The following SLIT1 variants were observed in gnomAD, a reference collection of about 807,000 sequenced individuals.
SLIT1 encodes the protein slit guidance ligand 1.
Under a neutral mutation model 186.1 loss-of-function variants are expected in SLIT1, and 66 were observed. That is an observed-to-expected ratio of 0.35 (90% CI 0.29 to 0.44). SLIT1 has a LOEUF of 0.44. Among genes scored for constraint, SLIT1 ranks in the 20% least tolerant of loss-of-function variants. The pLI is 1.00. For missense variants in SLIT1, 1,638 were observed against 2,037.4 expected (o/e 0.80, Z 3.77); for synonymous variants, 761 against 833.8 (o/e 0.91, Z 1.50).
chr10:97,138,221 A>G (rs1036958298), intron 4 of SLIT1, among the ~76,000 whole-genome samples: 1 of 152,214 alleles, frequency 6.6e-6, no homozygotes, highest in Non-Finnish European at 1.5e-5. Context: ...TACCAAGTAC[A>G]CCAGTGGCCA....
chr10:97,159,550 G>A (rs1389171737), intron 3 of SLIT1, among the ~76,000 whole-genome samples: 1 of 152,112 alleles, frequency 6.6e-6, no homozygotes, highest in African/African-American at 2.4e-5. Flanking sequence ...TTCTGCTTCT[G>A]AAAATTATTT....
In SLIT1 at chr10:97,064,895, T is replaced by C; in HGVS notation, c.486-19A>G. The C allele has an allele frequency of 6.2e-7, 1 of 1,607,560 alleles. No individual in the cohort carries two copies. The highest frequency in any genetic ancestry group is 8.5e-7 in the Non-Finnish European group (1 of 1,175,936). ...CAGCTGTCTGTGAAGCAAAGGAAGG[T>C]TGTAGAGAGAAGGGCACATTGCCTA... On this transcript the variant is annotated intron_variant, in intron 5 of 36. Coordinates refer to ENST00000266058, the MANE Select transcript of SLIT1 (RefSeq NM_003061.3).
intron 28 of SLIT1, among the ~76,000 whole-genome samples, chr10:97,014,399 G>A (rs961084521): frequency 8.5e-5 from 13 of 152,318 alleles, no homozygotes; most frequent in African/African-American, 2.9e-4. Context: ...TGAGGACCAG[G>A]ATGGTGTAAG....
intron 4 of SLIT1, among the ~76,000 whole-genome samples, chr10:97,106,747 C>T (rs1022445425): frequency 6.6e-6 from 1 of 152,066 alleles, no homozygotes; most frequent in African/African-American, 2.4e-5. Context: ...TGCTGCGCCG[C>T]TCTACCCCTG....
intron 30 of SLIT1, 48 bp downstream of exon 30, chr10:97,013,693 C>G (rs766336453): frequency 2.0e-5 from 27 of 1,384,024 alleles, no homozygotes; most frequent in Non-Finnish European, 2.6e-5. Context: ...TCCAGTCTGA[C>G]TCAGGGGCCT....
rs1402581860 is a variant in SLIT1 at position 97,068,220 on chromosome 10, C to T, written c.414-2134G>A. Among the ~76,000 whole-genome samples the T allele has an allele frequency of 6.6e-6, 1 of 152,184 alleles. No homozygotes were observed. The highest frequency in any genetic ancestry group is 1.5e-5 in the Non-Finnish European group (1 of 68,034). On this transcript the variant is annotated intron_variant, in intron 4 of 36. Coordinates refer to ENST00000266058, the MANE Select transcript of SLIT1 (RefSeq NM_003061.3). The surrounding 1 kb of genome is among the most constrained non-coding windows in gnomAD (Gnocchi z 4.2). ...GCTCAGTCCCCAGCTACCTCCCCTTCTCTGGGCTGGGGACTTGCAGCTGGA... is the reference window on the plus strand; with the variant it reads ...GCTCAGTCCCCAGCTACCTCCCCTTTTCTGGGCTGGGGACTTGCAGCTGGA...
In SLIT1 at chr10:97,047,037, G is replaced by A; in HGVS notation, c.1663C>T (p.Leu555=). 1.2e-6 allele frequency: 2 copies of A among 1,612,018 alleles called. No homozygotes were observed. The highest frequency in any genetic ancestry group is 8.5e-7 in the Non-Finnish European group (1 of 1,178,062). The change falls in exon 17 of 37, where the codon CTG becomes TTG. Residue 555 remains leucine, a synonymous_variant. Transcript: ENST00000266058. ...TTTTTAAACATCCCAGTGGCCTCCA[G>A]GATGGAAATCTCATTGTTATTCAAT... is the stretch of plus-strand genomic sequence containing the variant. ...LRLNNNEISI[L]EATGMFKKLT... is the part of the protein sequence containing the mutation.
At chr10:97,078,676 T>C (rs560242577) in intron 4 of SLIT1, among the ~76,000 whole-genome samples, 2 of 152,290 alleles carry the variant, frequency 1.3e-5, no homozygotes, top group African/African-American at 2.4e-5. Context: ...CTCTACCTAC[T>C]GCAAGTGGCA....
At position 97,046,745 on chromosome 10, in the gene SLIT1, C is replaced by T. The variant is rs199925095; in HGVS notation, c.1762G>A (p.Ala588Thr). ...SEIEDGAFEG[A>T]ASVSELHLTA... is the part of the protein sequence containing the mutation. Reference sequence around the variant, plus strand: ...AGGTGCAGCTCGCTCACAGAGGCTGCGCCCTCGAAGGCCCCATCTTCAATT... The same window carrying T: ...AGGTGCAGCTCGCTCACAGAGGCTGTGCCCTCGAAGGCCCCATCTTCAATT... The change falls in exon 18 of 37, where the codon GCA becomes ACA. Residue 588 changes from alanine (A) to threonine (T), a missense_variant. Coordinates refer to ENST00000266058, the MANE Select transcript of SLIT1 (RefSeq NM_003061.3). The T allele has an allele frequency of 4.8e-5, 77 of 1,612,376 alleles. No homozygotes were observed. The African/African-American group carries it at 5.1e-4, about 11-fold the overall frequency.
chr10:97,159,847 C>T (rs1247168545), intron 3 of SLIT1, among the ~76,000 whole-genome samples: 4 of 152,136 alleles, frequency 2.6e-5, no homozygotes, highest in African/African-American at 7.2e-5. Context: ...ACAAACACCC[C>T]CCACAGAGGT....
intron 4 of SLIT1, among the ~76,000 whole-genome samples, chr10:97,085,887 G>T (rs1393321489): frequency 2.0e-5 from 3 of 152,182 alleles, no homozygotes; most frequent in Non-Finnish European, 2.9e-5. Context: ...GGAGGGGTCT[G>T]CGATGTTTTG....
intron 28 of SLIT1, among the ~76,000 whole-genome samples, chr10:97,017,771 T>C (rs1191785395): frequency 6.6e-6 from 1 of 152,036 alleles, no homozygotes; most frequent in African/African-American, 2.4e-5. Context: ...GCCAGGGCCC[T>C]GTCTGCAGGC....
chr10:97,061,531 C>T (rs1191167015), intron 8 of SLIT1, among the ~76,000 whole-genome samples: 1 of 152,248 alleles, frequency 6.6e-6, no homozygotes, highest in Non-Finnish European at 1.5e-5. Context: ...CGTTTACGAA[C>T]TTCACATAAA....
intron 4 of SLIT1, among the ~76,000 whole-genome samples, chr10:97,142,113 C>T (rs1849772274): frequency 6.6e-6 from 1 of 152,016 alleles, no homozygotes; most frequent in Non-Finnish European, 1.5e-5. Context: ...TCTTAACATA[C>T]TCTTGACTTA....
At chr10:97,005,318 G>GC (rs1848350569) in intron 32 of SLIT1, among the ~76,000 whole-genome samples, 1 of 152,238 alleles carries the variant, frequency 6.6e-6, no homozygotes, top group Non-Finnish European at 1.5e-5. Flanking sequence ...CTGGAACTGT[G>GC]CAAGCAAAAG....
chr10:97,060,219 T>A (rs372181634), intron 9 of SLIT1, 61 bp from the exon 10 acceptor site: 14 of 1,332,206 alleles, frequency 1.1e-5, no homozygotes, highest in Non-Finnish European at 1.5e-5. Flanking sequence ...CTGGGTGTTA[T>A]CTGCTGGGCT....
At chr10:97,120,970 G>A (rs181550174) in intron 4 of SLIT1, among the ~76,000 whole-genome samples, 7 of 152,108 alleles carry the variant, frequency 4.6e-5, no homozygotes, top group African/African-American at 9.6e-5. Context: ...TACCTGGACC[G>A]CCTTCTCTCT....
At chr10:97,132,284 C>T (rs1208097385) in intron 4 of SLIT1, among the ~76,000 whole-genome samples, 5 of 152,202 alleles carry the variant, frequency 3.3e-5, no homozygotes, top group Non-Finnish European at 4.4e-5. Flanking sequence ...AACCCAGGGT[C>T]CCAGACAAAG....
chr10:97,046,888 A>C, intron 17 of SLIT1, 91 bp from the exon 18 acceptor site: 1 of 1,574,626 alleles, frequency 6.4e-7, no homozygotes, highest in Middle Eastern at 1.7e-4. Flanking sequence ...CCACACACAG[A>C]GTCCTGGCCC....
Sources: allele counts gnomAD v4.1 joint callset (sites outside exome capture counted in the v4.1 genomes callset), GRCh38; gene constraint gnomAD v4.1.1; non-coding constraint Gnocchi (gnomAD v3.1); transcripts MANE v1.5; gene names NCBI Gene and HGNC (gene_info 2026-07-23, HGNC 2026-07-21).